The following RBFOX1 variants were observed in gnomAD, a reference collection of about 807,000 sequenced individuals.
RBFOX1 encodes RNA binding fox-1 homolog 1.
RBFOX1 carries 8 observed loss-of-function variants against 57.7 expected under a neutral mutation model. The observed-to-expected ratio is 0.14, with a 90% CI of 0.08 to 0.25. RBFOX1 has a LOEUF of 0.25. RBFOX1 is among the 10% of genes least tolerant of loss of function. The pLI is 1.00. For missense variants in RBFOX1, 611 were observed against 548.5 expected, an observed-to-expected ratio of 1.11 and a Z score of -1.14; for synonymous variants, 326 against 222.4, an observed-to-expected ratio of 1.47 and a Z score of -4.15.
At chr16:5,502,590 G>C (rs11642767) in intron 2 of RBFOX1, among the ~76,000 whole-genome samples, 13,941 of 152,234 alleles carry the variant, frequency 0.092, 1,293 homozygotes, top group African/African-American at 0.24. Flanking sequence ...GCAGGGCAGC[G>C]AGAGGGGAGA....
chr16:5,869,500 C>T (rs1342269735), intron 4 of RBFOX1, among the ~76,000 whole-genome samples: 3 of 152,180 alleles, frequency 2.0e-5, no homozygotes, highest in Non-Finnish European at 4.4e-5. Context: ...CTCCCAGGTT[C>T]AAGTGATTCT....
chr16:5,462,230 A>C (rs2068812585), intron 1 of RBFOX1, among the ~76,000 whole-genome samples: 1 of 138,648 alleles, frequency 7.2e-6, no homozygotes. Context: ...GTGCAGCGGC[A>C]CTATCTCGGC....
chr16:7,464,560 G>T (rs552291562), intron 4 of RBFOX1, among the ~76,000 whole-genome samples: 10 of 151,984 alleles, frequency 6.6e-5, no homozygotes, highest in African/African-American at 2.4e-4. Flanking sequence ...ACAAGCTATT[G>T]TTAAAAATCC....
chr16:7,335,233 C>G (rs186979807), intron 4 of RBFOX1, among the ~76,000 whole-genome samples: 160 of 152,326 alleles, frequency 1.1e-3, no homozygotes, highest in Middle Eastern at 3.4e-3. Context: ...ACTCCACTTG[C>G]TCACTAGTTT....
intron 4 of RBFOX1, among the ~76,000 whole-genome samples, chr16:7,493,928 T>C (rs898325003): frequency 6.6e-6 from 1 of 152,252 alleles, no homozygotes; most frequent in Non-Finnish European, 1.5e-5. Flanking sequence ...TGGGTTCTTA[T>C]AATTTTGCAT....
At chr16:6,878,123 A>T (rs748740288) in intron 3 of RBFOX1, among the ~76,000 whole-genome samples, 1 of 152,156 alleles carries the variant, frequency 6.6e-6, no homozygotes, top group Non-Finnish European at 1.5e-5. Flanking sequence ...AAGGACTTCT[A>T]AGAGAAGTGA....
chr16:5,507,846 G>C (rs539925332), intron 2 of RBFOX1, among the ~76,000 whole-genome samples: 10 of 152,280 alleles, frequency 6.6e-5, no homozygotes, highest in African/African-American at 2.4e-4. Flanking sequence ...ACGCAAGGAG[G>C]GTCTCTTCCT....
At chr16:6,940,900 G>A (rs537645477) in intron 3 of RBFOX1, among the ~76,000 whole-genome samples, 3 of 135,820 alleles carry the variant, frequency 2.2e-5, no homozygotes, top group Admixed American at 7.4e-5. Context: ...TTAGAGATGG[G>A]GTTTCACTGC....
chr16:6,950,140 T>C (rs1438757091), intron 3 of RBFOX1, among the ~76,000 whole-genome samples: 4 of 140,850 alleles, frequency 2.8e-5, no homozygotes, highest in Middle Eastern at 3.5e-3. Context: ...TTTTTTTAAG[T>C]AGCCATGGGG....
chr16:7,197,452 A>C (rs1602659119), intron 4 of RBFOX1, among the ~76,000 whole-genome samples: 1 of 151,974 alleles, frequency 6.6e-6, no homozygotes, highest in Non-Finnish European at 1.5e-5. Context: ...AAAAAAAAAA[A>C]AAAAAAAAAA....
At chr16:6,858,866 G>A (rs975941819) in intron 3 of RBFOX1, among the ~76,000 whole-genome samples, 4 of 151,816 alleles carry the variant, frequency 2.6e-5, no homozygotes, top group African/African-American at 9.7e-5. Context: ...CAGACTCGTA[G>A]CTATTTCTGA....
intron 2 of RBFOX1, among the ~76,000 whole-genome samples, chr16:6,323,253 G>GT (rs952160418): frequency 2.6e-5 from 4 of 152,290 alleles, no homozygotes; most frequent in Admixed American, 1.3e-4. Flanking sequence ...AGTAGCATGG[G>GT]TAAGGAAGAG....
chr16:6,368,018 A>G (rs930812408), intron 2 of RBFOX1, among the ~76,000 whole-genome samples: 11 of 152,214 alleles, frequency 7.2e-5, no homozygotes, highest in Non-Finnish European at 1.5e-4. Context: ...TTTGAGGGAC[A>G]TAAATGTCCT....
chr16:6,253,987 G>C (rs1334762381), intron 1 of RBFOX1, among the ~76,000 whole-genome samples: 3 of 152,066 alleles, frequency 2.0e-5, no homozygotes, highest in Non-Finnish European at 4.4e-5. Flanking sequence ...TAAAGAACCA[G>C]GGAACAAAGG....
At chr16:6,307,696 T>G in intron 1 of RBFOX1, among the ~76,000 whole-genome samples, 1 of 147,442 alleles carries the variant, frequency 6.8e-6, no homozygotes, top group East Asian at 2.0e-4. Context: ...TAAATGATAA[T>G]CATTTATGTT....
intron 1 of RBFOX1, among the ~76,000 whole-genome samples, chr16:6,108,199 T>C (rs566869175): frequency 1.3e-5 from 2 of 152,296 alleles, no homozygotes; most frequent in East Asian, 3.9e-4. Context: ...ATGTCTCTGT[T>C]GTTTTTTAGA....
At chr16:5,825,881 A>T (rs1200232610) in intron 3 of RBFOX1, among the ~76,000 whole-genome samples, 1 of 100,064 alleles carries the variant, frequency 1.0e-5, no homozygotes, top group Non-Finnish European at 2.1e-5. Context: ...ATATTCCGTA[A>T]TATGAATAAG....
chr16:7,456,303 A>G (rs1037446346), intron 4 of RBFOX1, among the ~76,000 whole-genome samples: 1 of 152,226 alleles, frequency 6.6e-6, no homozygotes, highest in Non-Finnish European at 1.5e-5. Context: ...TACCTGGTTC[A>G]TTCTTCAAGC....
At chr16:6,030,407 A>C (rs1052628771) in intron 1 of RBFOX1, among the ~76,000 whole-genome samples, 39 of 152,212 alleles carry the variant, frequency 2.6e-4, no homozygotes, top group Admixed American at 5.2e-4. Context: ...TTTATAGTTC[A>C]GTCACAGTAG....
Sources: allele counts gnomAD v4.1 joint callset (sites outside exome capture counted in the v4.1 genomes callset), GRCh38; gene constraint gnomAD v4.1.1; transcripts MANE v1.5; gene names NCBI Gene and HGNC (gene_info 2026-07-23, HGNC 2026-07-21).